The following OLR1 variants were observed in gnomAD, a reference collection of about 807,000 sequenced individuals.
OLR1 encodes the protein oxidized low-density lipoprotein receptor 1.
Under a neutral mutation model 31.7 loss-of-function variants are expected in OLR1, and 23 were observed. The ratio of observed to expected loss-of-function variants is 0.72; its 90% confidence interval spans 0.52 to 1.03. The LOEUF (loss-of-function observed/expected upper bound fraction) is 1.03, where lower values mean the gene tolerates loss of function less well. Among genes scored for constraint, OLR1 ranks in the 50% least tolerant of loss-of-function variants. The pLI is 0.00. For missense variants in OLR1, 286 were observed against 315.7 expected (o/e 0.91, Z 0.71); for synonymous variants, 117 against 115.8 (o/e 1.01, Z -0.07).
chr12:10,172,183 TAGA>T, upstream of OLR1: 1 of 734,084 alleles, frequency 1.4e-6, no homozygotes, highest in South Asian at 1.6e-5. Flanking sequence ...TGTTATCTAA[TAGA>T]AGAATGACTC....
chr12:10,159,645 C>T lies in OLR1; in HGVS notation c.*235G>A, dbSNP rs910894520. 1.3e-4 allele frequency: 48 copies of T among 370,366 alleles called. No individual in the cohort carries two copies. Among genetic ancestry groups the T allele is most frequent in the Non-Finnish European group, 2.2e-4 (44 of 200,206 alleles). 22.9% of individuals were successfully genotyped at this position (370,366 alleles called of 1,614,324 possible). The stretch of plus-strand genomic sequence containing the variant: ...AAAATAAAAAGGGGAAAATGGACTT[C>T]AGGCTGGCAGGGAAGCTTGGGACAA... On this transcript the variant is annotated 3_prime_UTR_variant, in exon 6 of 6. Transcript: ENST00000309539.
intron 3 of OLR1, among the ~76,000 whole-genome samples, chr12:10,163,894 G>GCACT (rs1948640227): frequency 1.3e-5 from 2 of 151,772 alleles, no homozygotes; most frequent in African/African-American, 4.8e-5. Flanking sequence ...TCGCACCACT[G>GCACT]CACTCTAGCC....
intron 3 of OLR1, among the ~76,000 whole-genome samples, chr12:10,165,615 T>C (rs1948654876): frequency 6.7e-6 from 1 of 150,324 alleles, no homozygotes; most frequent in South Asian, 2.1e-4. Context: ...GGGGTGGGGG[T>C]GGCAGAATTC....
upstream of OLR1, among the ~76,000 whole-genome samples, chr12:10,174,641 C>T (rs1012437063): frequency 6.6e-6 from 1 of 152,184 alleles, no homozygotes; most frequent in Non-Finnish European, 1.5e-5. Flanking sequence ...TTACCAGGCT[C>T]TATAATCATA....
At chr12:10,162,415 T>G (rs11053648) in intron 3 of OLR1, among the ~76,000 whole-genome samples, 6 of 151,954 alleles carry the variant, frequency 3.9e-5, no homozygotes, top group African/African-American at 1.5e-4. Context: ...AAACACTAAG[T>G]TGATTTTTCA....
rs1555086620 is a variant in OLR1 at position 10,159,309 on chromosome 12, G to GTGTGTGTGTC, written c.*570_*571insGACACACACA. 5.9e-4 allele frequency: 74 copies of GTGTGTGTGTC among 125,038 alleles called. No homozygotes were observed. The highest frequency in any genetic ancestry group is 1.6e-3 in the African/African-American group (64 of 40,072). 7.7% of individuals were successfully genotyped at this position (125,038 alleles called of 1,614,324 possible). Reference sequence around the variant, plus strand: ...AAAATGTGTGTGTGTGTGTGTGTGTGTGTCTGTCTGTCTGTCTGTCCGTAA... The same window carrying GTGTGTGTGTC: ...AAAATGTGTGTGTGTGTGTGTGTGTGTGTGTGTGTCTGTCTGTCTGTCTGTCTGTCCGTAA... On this transcript the variant is annotated 3_prime_UTR_variant, in exon 6 of 6. Coordinates refer to ENST00000309539, the MANE Select transcript of OLR1 (RefSeq NM_002543.4).
chr12:10,160,032 GA>G lies in OLR1; in HGVS notation c.681-12del, dbSNP rs767552288. Reference sequence around the variant, plus strand: ...CCTCGGACTCTAAATCTGCAGGTAGGAAAAAACAAAACAAACCAACAAAAAA... The same window carrying G: ...CCTCGGACTCTAAATCTGCAGGTAGGAAAAACAAAACAAACCAACAAAAAA... On this transcript the variant is annotated splice_polypyrimidine_tract_variant and intron_variant, in intron 5 of 5. Coordinates refer to ENST00000309539, the MANE Select transcript of OLR1 (RefSeq NM_002543.4). 23 of 1,585,428 alleles carry G rather than the reference GA, an allele frequency of 1.5e-5. No individual in the cohort carries two copies. The highest frequency in any genetic ancestry group is 1.9e-5 in the Non-Finnish European group (22 of 1,165,148).
At chr12:10,173,275 A>G (rs1948738616), upstream of OLR1, among the ~76,000 whole-genome samples, 1 of 152,122 alleles carries the variant, frequency 6.6e-6, no homozygotes, top group Non-Finnish European at 1.5e-5. Context: ...AAATGATATG[A>G]TATCTGGCAT....
chr12:10,169,751 T>C (rs1948694152), intron 1 of OLR1, among the ~76,000 whole-genome samples: 1 of 152,190 alleles, frequency 6.6e-6, no homozygotes, highest in African/African-American at 2.4e-5. Context: ...CTGGGGTTAT[T>C]AATCAAAGAA....
At chr12:10,174,353 G>A (rs193145466), upstream of OLR1, among the ~76,000 whole-genome samples, 139 of 152,314 alleles carry the variant, frequency 9.1e-4, no homozygotes, top group African/African-American at 3.2e-3. Context: ...GTGAGCCACC[G>A]TGCTGGCCTT....
chr12:10,175,991 A>T (rs1461594106), upstream of OLR1, among the ~76,000 whole-genome samples: 1 of 152,254 alleles, frequency 6.6e-6, no homozygotes, highest in Non-Finnish European at 1.5e-5. Flanking sequence ...AACTCTATGT[A>T]CATGCACCCT....
intron 3 of OLR1, among the ~76,000 whole-genome samples, chr12:10,163,874 T>C (rs919439913): frequency 1.3e-5 from 2 of 151,822 alleles, no homozygotes; most frequent in African/African-American, 4.8e-5. Context: ...GAGGTTGCAG[T>C]GAGCCTAGAT....
At position 10,169,143 on chromosome 12, in the gene OLR1, G is replaced by C. The variant is rs760694441; in HGVS notation, c.109C>G (p.Leu37Val). The change falls in exon 2 of 6, where the codon CTG becomes GTG. Residue 37 changes from leucine (L) to valine (V), a missense_variant. Transcript: ENST00000309539. ...AGGACCCCTAGAGTCGCAGCAGCCAGGCACCACCATGGAGAGTAAAGAAAC... is the reference window on the plus strand; with the variant it reads ...AGGACCCCTAGAGTCGCAGCAGCCACGCACCACCATGGAGAGTAAAGAAAC... ...LQFLYSPWWC[L>V]AAATLGVLCL... 1 of 1,613,854 alleles carries C rather than the reference G, an allele frequency of 6.2e-7. No individual in the cohort carries two copies. Among genetic ancestry groups the C allele is most frequent in the African/African-American group, 1.3e-5 (1 of 74,900 alleles).
chr12:10,162,577 C>T (rs1948629185), intron 3 of OLR1, among the ~76,000 whole-genome samples: 1 of 152,106 alleles, frequency 6.6e-6, no homozygotes. Context: ...CCTATAATCC[C>T]ACCACTTTGG....
chr12:10,160,602 AC>A (rs2137502157), intron 4 of OLR1, 140 bp from the exon 5 acceptor site: 1 of 977,236 alleles, frequency 1.0e-6, no homozygotes, highest in East Asian at 2.4e-5. Flanking sequence ...GGAAACACTT[AC>A]TGAAGGCTAG....
intron 2 of OLR1, 82 bp from the exon 3 acceptor site, chr12:10,167,039 A>T: frequency 7.5e-7 from 1 of 1,342,006 alleles, no homozygotes; most frequent in Non-Finnish European, 1.0e-6. Flanking sequence ...TCAAAACAGA[A>T]TTAAATCTAT....
At chr12:10,162,232 C>G (rs1948626759) in intron 3 of OLR1, among the ~76,000 whole-genome samples, 2 of 152,052 alleles carry the variant, frequency 1.3e-5, no homozygotes, top group South Asian at 4.1e-4. Context: ...GTACTCTGGT[C>G]TACACTACAA....
At chr12:10,167,184 T>A in intron 2 of OLR1, 1 of 433,664 alleles carries the variant, frequency 2.3e-6, no homozygotes, top group Non-Finnish European at 4.1e-6. Context: ...TTTTAAAAAT[T>A]ACCAAGATTT....
At chr12:10,163,030 T>C (rs1014584770) in intron 3 of OLR1, among the ~76,000 whole-genome samples, 1 of 147,342 alleles carries the variant, frequency 6.8e-6, no homozygotes, top group African/African-American at 2.5e-5. Context: ...TATATAACAA[T>C]ACAAATATCA....
Sources: gnomAD v4.1 joint callset for allele counts (sites outside exome capture counted in the v4.1 genomes callset) on GRCh38, gnomAD v4.1.1 for gene constraint, MANE v1.5 for transcripts, NCBI Gene and HGNC (gene_info 2026-07-23, HGNC 2026-07-21) for gene names.